EVC: variants seen among roughly 807,000 people sequenced by gnomAD.
The protein encoded by EVC is evC complex member EVC.
A neutral mutation model predicts 118.9 loss-of-function variants in EVC; 116 were observed. The observed-to-expected ratio is 0.98, with a 90% CI of 0.84 to 1.14. The LOEUF is 1.14. EVC is among the 50% of genes most tolerant of loss of function. The pLI is 0.00. For missense variants in EVC, 1,401 were observed against 1,246.4 expected, an observed-to-expected ratio of 1.12 and a Z score of -1.87; for synonymous variants, 619 against 534.7, an observed-to-expected ratio of 1.16 and a Z score of -2.18.
At chr4:5,794,268 T>TA in intron 13 of EVC, among the ~76,000 whole-genome samples, 1 of 141,060 alleles carries the variant, frequency 7.1e-6, no homozygotes, top group Middle Eastern at 3.6e-3. Context: ...TATTTATATA[T>TA]TTATATATAT....
In EVC at chr4:5,788,671, C is replaced by T. The variant is rs73075600; in HGVS notation, c.1776+4907C>T. Reference sequence around the variant, plus strand: ...CAAGAAATCCCATTGATTTTGCCTTCCGTCTAATCCTGAATGTAACCACTA... The same window carrying T: ...CAAGAAATCCCATTGATTTTGCCTTTCGTCTAATCCTGAATGTAACCACTA... On this transcript the variant is annotated intron_variant, in intron 12 of 20. Transcript: ENST00000264956. 2.6e-5 allele frequency among the ~76,000 whole-genome samples: 4 copies of T among 152,312 alleles called. No individual in the cohort carries two copies. The South Asian group carries it at 8.3e-4, about 32-fold the overall frequency.
At chr4:5,793,090 A>G in intron 12 of EVC, among the ~76,000 whole-genome samples, 1 of 152,188 alleles carries the variant, frequency 6.6e-6, no homozygotes. Context: ...TAGCTCAGGC[A>G]GCTTTGAACA....
At chr4:5,767,712 G>C (rs975084169) in intron 11 of EVC, among the ~76,000 whole-genome samples, 4 of 152,178 alleles carry the variant, frequency 2.6e-5, no homozygotes, top group African/African-American at 7.2e-5. Context: ...GGAACTCCCT[G>C]ACCCCTTGCG....
At position 5,741,366 on chromosome 4, in the gene EVC, A is replaced by T. The variant is rs181625745; in HGVS notation, c.703-350A>T. 3.0e-3 allele frequency among the ~76,000 whole-genome samples: 460 copies of T among 152,334 alleles called. 1 individual carries two copies. Among genetic ancestry groups the T allele is most frequent in the Non-Finnish European group, 4.0e-3 (274 of 68,040 alleles). ...CAACTATCCCGCTGATTCTTTCTTCAAAGAAGCAAACCCTCCTTTGCTTTT... is the reference window on the plus strand; with the variant it reads ...CAACTATCCCGCTGATTCTTTCTTCTAAGAAGCAAACCCTCCTTTGCTTTT... On this transcript the variant is annotated intron_variant, in intron 5 of 20. Transcript: ENST00000264956.
At chr4:5,740,674 G>T (rs949262811) in intron 5 of EVC, among the ~76,000 whole-genome samples, 2 of 152,018 alleles carry the variant, frequency 1.3e-5, no homozygotes, top group Non-Finnish European at 2.9e-5. Flanking sequence ...GAGAGAAAAT[G>T]TTTGCAAAAC....
At chr4:5,721,429 A>G (rs1724938795) in intron 2 of EVC, among the ~76,000 whole-genome samples, 1 of 152,342 alleles carries the variant, frequency 6.6e-6, no homozygotes. Context: ...ATAGGATTCC[A>G]TTCCTGTGAA....
chr4:5,765,944 T>C (rs1732799169), intron 11 of EVC, among the ~76,000 whole-genome samples: 1 of 136,254 alleles, frequency 7.3e-6, no homozygotes, highest in Non-Finnish European at 1.6e-5. Context: ...GATCCTGTCA[T>C]TATGATGTTA....
rs1217588242 is a variant in EVC at position 5,811,094 on chromosome 4, C to G, written c.*57C>G. The G allele has an allele frequency of 1.5e-5, 21 of 1,411,518 alleles. No individual in the cohort carries two copies. The highest frequency in any genetic ancestry group is 2.1e-5 in the Non-Finnish European group (21 of 1,011,922). The allele number at this position is 1,411,518 out of a possible 1,614,324, so 87.4% of individuals were successfully genotyped here. A position where few individuals can be genotyped will look rare whatever the true frequency, so the allele number is the denominator to read the frequency against. ...GCCCTGGGTCTGGGTGTGAATTCCACCTTCCCTCCTGCAGTGCTGAGAGGC... is the reference window on the plus strand; with the variant it reads ...GCCCTGGGTCTGGGTGTGAATTCCAGCTTCCCTCCTGCAGTGCTGAGAGGC... On this transcript the variant is annotated 3_prime_UTR_variant, in exon 21 of 21. Coordinates refer to ENST00000264956, the MANE Select transcript of EVC (RefSeq NM_153717.3).
At chr4:5,794,386 TA>T (rs1713520563) in intron 13 of EVC, among the ~76,000 whole-genome samples, 5 of 141,226 alleles carry the variant, frequency 3.5e-5, no homozygotes, top group African/African-American at 1.0e-4. Context: ...CATATATATA[TA>T]TTTTTTATAT....
In EVC at chr4:5,813,689, C is replaced by T. The variant is rs926204883; in HGVS notation, c.*2652C>T. The T allele has an allele frequency of 5.3e-5, 8 of 152,144 alleles. No homozygotes were observed. The highest frequency in any genetic ancestry group is 1.4e-4 in the African/African-American group (6 of 41,398). 9.4% of individuals were successfully genotyped at this position (152,144 alleles called of 1,614,324 possible). On this transcript the variant is annotated 3_prime_UTR_variant, in exon 21 of 21. Transcript: ENST00000264956. ...GTGGAATGATCACGGGACCCTTCTC[C>T]TCTGAGAAGGCTCCCGGCTGCCTCC...
Position 5,811,008 on chromosome 4 carries a change from A to G in EVC, c.2950A>G (p.Lys984Glu). 1 of 1,612,948 alleles carries G rather than the reference A, an allele frequency of 6.2e-7. No individual in the cohort carries two copies. The highest frequency in any genetic ancestry group is 8.5e-7 in the Non-Finnish European group (1 of 1,179,334). The change falls in exon 21 of 21, where the codon AAG becomes GAG. Residue 984 changes from lysine to glutamate, a missense_variant. Lys to Glu is a moderately conservative substitution (Grantham distance 56, BLOSUM62 1). Transcript: ENST00000264956. ...AGCTGGGGACAGTGGGAACTCAAAG[A>G]AGATGCTAAAGAGAAGAAGCAACTT... is the stretch of plus-strand genomic sequence containing the variant. ...SEAGDSGNSKKMLKRRSNL is the reference protein window; with the variant it reads ...SEAGDSGNSKEMLKRRSNL
At chr4:5,771,699 C>T (rs1192608513) in intron 11 of EVC, among the ~76,000 whole-genome samples, 2 of 152,142 alleles carry the variant, frequency 1.3e-5, no homozygotes, top group African/African-American at 4.8e-5. Context: ...GCCTGGGCAC[C>T]ACAGACCTCC....
the EVC span, chr4:5,828,246 C>G: frequency 2.0e-6 from 2 of 985,408 alleles, no homozygotes; most frequent in South Asian, 4.7e-5. Flanking sequence ...TCCACCCACC[C>G]TCACGGGTGC....
the EVC span, among the ~76,000 whole-genome samples, chr4:5,822,307 C>T: frequency 6.6e-6 from 1 of 152,162 alleles, no homozygotes; most frequent in Non-Finnish European, 1.5e-5. Flanking sequence ...GTGGGGAAGC[C>T]AGGATTGAAG....
chr4:5,761,924 T>C (rs1421476308), intron 11 of EVC, among the ~76,000 whole-genome samples: 4 of 151,706 alleles, frequency 2.6e-5, no homozygotes, highest in Non-Finnish European at 4.4e-5. Flanking sequence ...AATTATTATT[T>C]AAGTTTTAGG....
At chr4:5,778,996 C>A (rs1410628789) in intron 11 of EVC, among the ~76,000 whole-genome samples, 16 of 152,246 alleles carry the variant, frequency 1.1e-4, no homozygotes, top group Non-Finnish European at 2.1e-4. Context: ...AGTCTTTAAT[C>A]CATCTTGAAT....
intron 18 of EVC, among the ~76,000 whole-genome samples, chr4:5,808,636 G>C (rs1053440459): frequency 6.6e-6 from 1 of 152,220 alleles, no homozygotes; most frequent in African/African-American, 2.4e-5. Flanking sequence ...CCCTGTGTGC[G>C]CATGGCCACC....
At chr4:5,816,484 C>G (rs553523716), downstream of EVC, among the ~76,000 whole-genome samples, 29 of 152,238 alleles carry the variant, frequency 1.9e-4, no homozygotes, top group African/African-American at 7.0e-4. Flanking sequence ...CAGCCTGGGC[C>G]CCAGGACTTC....
the EVC span, chr4:5,828,449 G>C: frequency 1.3e-6 from 2 of 1,599,986 alleles, no homozygotes; most frequent in South Asian, 2.2e-5. Context: ...TGTCGGCTCT[G>C]GTCCCACGGG....
Sources: allele counts gnomAD v4.1 joint callset (sites outside exome capture counted in the v4.1 genomes callset), GRCh38; gene constraint gnomAD v4.1.1; transcripts MANE v1.5; gene names NCBI Gene and HGNC (gene_info 2026-07-23, HGNC 2026-07-21).